CDYL2: variants seen among roughly 807,000 people sequenced by gnomAD.
CDYL2 encodes chromodomain Y-like protein 2.
A neutral mutation model predicts 49.4 loss-of-function variants in CDYL2; 23 were observed. The observed-to-expected ratio is 0.47, with a 90% CI of 0.34 to 0.66. CDYL2 has a LOEUF of 0.66. CDYL2 is among the 30% of genes least tolerant of loss of function. The pLI is 0.01. For missense variants in CDYL2, 678 were observed against 656.4 expected, an observed-to-expected ratio of 1.03 and a Z score of -0.36; for synonymous variants, 360 against 268.8, an observed-to-expected ratio of 1.34 and a Z score of -3.32.
chr16:80,757,538 CAA>C lies in CDYL2; in HGVS notation c.24+46610_24+46611del, dbSNP rs35826810. On this transcript the variant is annotated intron_variant, in intron 1 of 6. Transcript: ENST00000570137. ...TGAGTGACAGAGCAAGACTCTGTCT[CAA>C]AAAAAAAAAAAAAATATATATATAT... Among the ~76,000 whole-genome samples, 795 of 98,320 alleles carry C rather than the reference CAA, an allele frequency of 8.1e-3. 8 individuals are homozygous for C. Among genetic ancestry groups the C allele is most frequent in the African/African-American group, 0.021 (719 of 34,482 alleles). 64.5% of individuals were successfully genotyped at this position (98,320 alleles called of 152,430 possible).
chr16:80,746,484 G>T (rs1279106822), intron 1 of CDYL2, among the ~76,000 whole-genome samples: 1 of 152,124 alleles, frequency 6.6e-6, no homozygotes, highest in African/African-American at 2.4e-5. Context: ...AATTTTCCTT[G>T]CATCCTCTCA....
chr16:80,702,501 G>A (rs907223615), intron 1 of CDYL2, among the ~76,000 whole-genome samples: 32 of 152,128 alleles, frequency 2.1e-4, no homozygotes, highest in African/African-American at 5.8e-4. Context: ...CTATAATTCA[G>A]CACTCTGGGA....
intron 1 of CDYL2, among the ~76,000 whole-genome samples, chr16:80,704,056 C>G (rs1171360617): frequency 1.3e-5 from 2 of 152,160 alleles, no homozygotes; most frequent in African/African-American, 4.8e-5. Context: ...AGTAAAAACT[C>G]CACTACCTGA....
At chr16:80,628,756 C>A (rs1258418425) in intron 3 of CDYL2, among the ~76,000 whole-genome samples, 1 of 152,152 alleles carries the variant, frequency 6.6e-6, no homozygotes, top group Non-Finnish European at 1.5e-5. Flanking sequence ...TAGTCCAGAC[C>A]CTTTCACATA....
chr16:80,752,802 G>T (rs1209943940), intron 1 of CDYL2, among the ~76,000 whole-genome samples: 1 of 152,182 alleles, frequency 6.6e-6, no homozygotes, highest in Non-Finnish European at 1.5e-5. Flanking sequence ...CTGCCAGTGT[G>T]ACATCACTGA....
chr16:80,718,618 T>C (rs181167035), intron 1 of CDYL2, among the ~76,000 whole-genome samples: 29 of 152,236 alleles, frequency 1.9e-4, no homozygotes, highest in African/African-American at 7.0e-4. Context: ...AATTGGCCAC[T>C]ATGGAAAAAG....
At chr16:80,756,537 C>G (rs1906316111) in intron 1 of CDYL2, among the ~76,000 whole-genome samples, 1 of 152,002 alleles carries the variant, frequency 6.6e-6, no homozygotes, top group Admixed American at 6.6e-5. Flanking sequence ...AAATAAACAA[C>G]ATCAAATTAA....
At chr16:80,776,124 G>C (rs1907074961) in intron 1 of CDYL2, among the ~76,000 whole-genome samples, 1 of 151,982 alleles carries the variant, frequency 6.6e-6, no homozygotes, top group Non-Finnish European at 1.5e-5. Flanking sequence ...CAGTAAAAGA[G>C]CAAATTAGCA....
intron 1 of CDYL2, among the ~76,000 whole-genome samples, chr16:80,796,680 G>A (rs1204131179): frequency 1.3e-5 from 2 of 152,212 alleles, no homozygotes; most frequent in Admixed American, 6.5e-5. Context: ...GGCAGAGAGT[G>A]TATAGAACTA....
intron 1 of CDYL2, among the ~76,000 whole-genome samples, chr16:80,745,738 T>A (rs1597112333): frequency 6.6e-6 from 1 of 152,214 alleles, no homozygotes; most frequent in East Asian, 1.9e-4. Context: ...AATACCACAA[T>A]GATAGCATTG....
intron 2 of CDYL2, among the ~76,000 whole-genome samples, chr16:80,657,936 C>T (rs912513605): frequency 3.9e-5 from 6 of 152,010 alleles, no homozygotes; most frequent in African/African-American, 1.2e-4. Context: ...AACTACGATG[C>T]ACCCACACAA....
intron 6 of CDYL2, 49 bp downstream of exon 6, chr16:80,608,042 TA>T: frequency 6.6e-7 from 1 of 1,516,090 alleles, no homozygotes. Flanking sequence ...TCTTCATGTG[TA>T]AAATGGGTCT....
At chr16:80,765,381 C>G (rs1906685029) in intron 1 of CDYL2, among the ~76,000 whole-genome samples, 1 of 151,342 alleles carries the variant, frequency 6.6e-6, no homozygotes, top group African/African-American at 2.4e-5. Context: ...TCTTTAAAAG[C>G]AAAGAAGTTA....
At chr16:80,669,880 T>C (rs1263975112) in intron 2 of CDYL2, among the ~76,000 whole-genome samples, 2 of 152,194 alleles carry the variant, frequency 1.3e-5, no homozygotes, top group Non-Finnish European at 2.9e-5. Context: ...CATGAGGGTC[T>C]TGACTGCAGA....
intron 1 of CDYL2, among the ~76,000 whole-genome samples, chr16:80,782,597 A>T (rs1300274306): frequency 6.6e-6 from 1 of 151,840 alleles, no homozygotes; most frequent in Middle Eastern, 3.4e-3. Context: ...AAAATTCTCA[A>T]CAAAATACTA....
In CDYL2 at chr16:80,698,284, G is replaced by A. The variant is rs77700908; in HGVS notation, c.25-13155C>T. Among the ~76,000 whole-genome samples the A allele has an allele frequency of 4.3e-3, 653 of 152,258 alleles. 6 individuals carry two copies. Among genetic ancestry groups the A allele is most frequent in the African/African-American group, 0.015 (605 of 41,546 alleles). ...ATGTCAAACTAAAAAGCTTCTGTAC[G>A]TACTGCAAAGAAAACAATCAACAGA... On this transcript the variant is annotated intron_variant, in intron 1 of 6. Coordinates refer to ENST00000570137, the MANE Select transcript of CDYL2 (RefSeq NM_152342.4).
intron 1 of CDYL2, among the ~76,000 whole-genome samples, chr16:80,693,798 C>CA (rs1910510862): frequency 6.6e-6 from 1 of 151,724 alleles, no homozygotes; most frequent in Non-Finnish European, 1.5e-5. Flanking sequence ...CTGTAGACCA[C>CA]AAAAAAAGAG....
At chr16:80,705,006 C>T (rs1053935278) in intron 1 of CDYL2, among the ~76,000 whole-genome samples, 1 of 152,218 alleles carries the variant, frequency 6.6e-6, no homozygotes, top group African/African-American at 2.4e-5. Flanking sequence ...AGCTAGACCT[C>T]ACTAGGTGAG....
At chr16:80,668,317 T>A (rs776262944) in intron 2 of CDYL2, among the ~76,000 whole-genome samples, 89 of 152,158 alleles carry the variant, frequency 5.8e-4, no homozygotes, top group Non-Finnish European at 1.1e-3. Context: ...GGCTAACAGA[T>A]AAATAATGGA....
Sources: gnomAD v4.1 joint callset for allele counts (sites outside exome capture counted in the v4.1 genomes callset) on GRCh38, gnomAD v4.1.1 for gene constraint, MANE v1.5 for transcripts, NCBI Gene and HGNC (gene_info 2026-07-23, HGNC 2026-07-21) for gene names.